The following KL variants were observed in gnomAD, a reference collection of about 807,000 sequenced individuals.
KL encodes the protein alpha-klotho.
KL carries 62 observed loss-of-function variants against 84.2 expected under a neutral mutation model. That is an observed-to-expected ratio of 0.74 (90% CI 0.60 to 0.91). The LOEUF (loss-of-function observed/expected upper bound fraction) is 0.91, where lower values mean the gene tolerates loss of function less well. Ranked by LOEUF, KL falls within the 40% of genes least tolerant of loss-of-function variation. KL has a pLI of 0.00. For synonymous variants in KL, 528 were observed against 528.0 expected (o/e 1.00, Z 0.00); for missense variants, 1,261 against 1,305.7 (o/e 0.97, Z 0.53).
intron 3 of KL, among the ~76,000 whole-genome samples, chr13:33,057,284 G>C (rs979974027): frequency 6.6e-6 from 1 of 152,144 alleles, no homozygotes; most frequent in Non-Finnish European, 1.5e-5. Flanking sequence ...GAACAAGAGT[G>C]GGGGTGTCGG....
chr13:33,053,725 TC>T (rs750795108), intron 1 of KL, 41 bp from the exon 2 acceptor site: 1 of 1,598,354 alleles, frequency 6.3e-7, no homozygotes, highest in Non-Finnish European at 8.6e-7. Context: ...GCATTTCTCC[TC>T]ACAACTAGAG....
rs1430930440 is a variant in KL, at chr13:33,053,962, G to A, written c.1015G>A (p.Glu339Lys). ...KPVFIDGDYPESMKNNLSSIL... is the reference protein window; with the variant it reads ...KPVFIDGDYPKSMKNNLSSIL... ...CGTATTTATTGATGGTGACTATCCC[G>A]AGAGCATGAAGAATAACCTTTCATC... The change falls in exon 2 of 5, where the codon GAG (glutamate) becomes AAG (lysine). Residue 339 changes from glutamate (E) to lysine (K), a missense_variant. Coordinates refer to ENST00000380099, the MANE Select transcript of KL (RefSeq NM_004795.4). 3.7e-6 allele frequency: 6 copies of A among 1,613,994 alleles called. No individual in the cohort carries two copies. The East Asian group carries it at 6.7e-5, about 18-fold the overall frequency.
chr13:33,038,937 A>G (rs915053749), intron 1 of KL, among the ~76,000 whole-genome samples: 8 of 152,216 alleles, frequency 5.3e-5, no homozygotes, highest in Non-Finnish European at 7.4e-5. Context: ...TCAAAAAGCA[A>G]TACATATTTC....
Position 33,061,415 on chromosome 13 carries a change from A to G in KL, c.2336A>G (p.Asn779Ser), listed in dbSNP as rs749094509. ...DYPWVMRDWLNQRNNFLLPYF... is the reference protein window; with the variant it reads ...DYPWVMRDWLSQRNNFLLPYF... The stretch of plus-strand genomic sequence containing the variant: ...CCATGGGTGATGAGGGACTGGCTGA[A>G]CCAAAGAAACAATTTTCTTCTTCCT... The change falls in exon 4 of 5, where the codon AAC becomes AGC. Residue 779 changes from asparagine to serine, a missense_variant. By Grantham distance (46) the Asn-to-Ser change is conservative. Coordinates refer to ENST00000380099, the MANE Select transcript of KL (RefSeq NM_004795.4). 1.9e-6 allele frequency: 3 copies of G among 1,614,102 alleles called. No homozygotes were observed. Among genetic ancestry groups the G allele is most frequent in the African/African-American group, 2.7e-5 (2 of 74,942 alleles).
chr13:33,048,703 C>A (rs1871630951), intron 1 of KL, among the ~76,000 whole-genome samples: 1 of 152,184 alleles, frequency 6.6e-6, no homozygotes, highest in African/African-American at 2.4e-5. Context: ...TCAGCCATAC[C>A]TAGAACACAA....
intron 1 of KL, among the ~76,000 whole-genome samples, chr13:33,040,318 A>G (rs938314668): frequency 6.6e-6 from 1 of 152,234 alleles, no homozygotes; most frequent in South Asian, 2.1e-4. Context: ...ACACAGTAGC[A>G]GTGACTTTTA....
chr13:33,039,976 T>C (rs1342210502), intron 1 of KL, among the ~76,000 whole-genome samples: 1 of 152,184 alleles, frequency 6.6e-6, no homozygotes, highest in Non-Finnish European at 1.5e-5. Context: ...CCAAAGCAGG[T>C]AGGGGTGCCA....
intron 3 of KL, among the ~76,000 whole-genome samples, chr13:33,058,276 A>C (rs1872039434): frequency 6.6e-6 from 1 of 152,042 alleles, no homozygotes; most frequent in African/African-American, 2.4e-5. Flanking sequence ...TTTTTAGTAA[A>C]ATCTTAGTTA....
At chr13:33,056,858 C>G (rs986870594) in intron 3 of KL, among the ~76,000 whole-genome samples, 1 of 151,960 alleles carries the variant, frequency 6.6e-6, no homozygotes, top group South Asian at 2.1e-4. Context: ...ATATGTGAGC[C>G]CAGGAGAAAG....
chr13:33,048,322 T>C (rs991412303), intron 1 of KL, among the ~76,000 whole-genome samples: 7 of 152,236 alleles, frequency 4.6e-5, no homozygotes, highest in Non-Finnish European at 8.8e-5. Context: ...TAGTCTTTGT[T>C]AGAGCTGGTC....
chr13:33,017,355 G>T, intron 1 of KL, 96 bp downstream of exon 1: 2 of 1,182,594 alleles, frequency 1.7e-6, no homozygotes, highest in South Asian at 3.1e-5. Context: ...TCCCCCAGAC[G>T]AGGCTTCACT....
At chr13:33,044,274 G>C (rs2138218593) in intron 1 of KL, among the ~76,000 whole-genome samples, 1 of 152,252 alleles carries the variant, frequency 6.6e-6, no homozygotes, top group East Asian at 1.9e-4. Context: ...TGTTTCAACT[G>C]TGTTTTTCCT....
chr13:33,054,214 A>G lies in KL; in HGVS notation c.1267A>G (p.Thr423Ala). 2 of 1,613,738 alleles carry G rather than the reference A, an allele frequency of 1.2e-6. No homozygotes were observed. The highest frequency in any genetic ancestry group is 8.5e-7 in the Non-Finnish European group (1 of 1,179,878). ...VENGWFVSGT[T>A]KRDDAKYMYY... is the part of the protein sequence containing the mutation. ...AAATGGCTGGTTTGTCTCAGGGACC[A>G]CCAAGAGAGATGATGCCAAATATAT... Residue 423 changes from threonine to alanine, a missense_variant, in exon 2 of 5, where the codon ACC (threonine) becomes GCC (alanine). Transcript: ENST00000380099.
At chr13:33,019,927 A>G (rs984454510) in intron 1 of KL, among the ~76,000 whole-genome samples, 4 of 152,046 alleles carry the variant, frequency 2.6e-5, no homozygotes, top group Non-Finnish European at 5.9e-5. Flanking sequence ...CAGCTCTTGA[A>G]ACAAAGTTCT....
chr13:33,028,838 C>T (rs936016331), intron 1 of KL, among the ~76,000 whole-genome samples: 1 of 152,204 alleles, frequency 6.6e-6, no homozygotes, highest in Admixed American at 6.5e-5. Context: ...TACCAAATGT[C>T]GGTTAAACCC....
At position 33,061,258 on chromosome 13, in the gene KL, T is replaced by G. The variant is rs1233702842; in HGVS notation, c.2179T>G (p.Ser727Ala). The G allele has an allele frequency of 1.9e-6, 3 of 1,614,104 alleles. No homozygotes were observed. In the Admixed American group the frequency reaches 5.0e-5, roughly 27 times the overall value. ...KFRHAQNGKI[S>A]IALQADWIEP... ...TAGGCATGCTCAGAATGGGAAAATA[T>G]CCATAGCCTTGCAGGCTGATTGGAT... The change falls in exon 4 of 5, where the codon TCC becomes GCC. Residue 727 changes from serine (S) to alanine (A), a missense_variant. Coordinates refer to ENST00000380099, the MANE Select transcript of KL (RefSeq NM_004795.4).
intron 1 of KL, among the ~76,000 whole-genome samples, chr13:33,025,333 A>G (rs1291640811): frequency 6.6e-6 from 1 of 152,140 alleles, no homozygotes; most frequent in African/African-American, 2.4e-5. Flanking sequence ...TGCAACTATT[A>G]CACAGTTCTG....
At chr13:33,030,104 A>G (rs1870922809) in intron 1 of KL, among the ~76,000 whole-genome samples, 1 of 152,084 alleles carries the variant, frequency 6.6e-6, no homozygotes, top group African/African-American at 2.4e-5. Flanking sequence ...TTTACAAGGA[A>G]CCCATGCCTG....
chr13:33,022,483 G>A (rs1411597991), intron 1 of KL, among the ~76,000 whole-genome samples: 2 of 152,182 alleles, frequency 1.3e-5, no homozygotes, highest in Non-Finnish European at 1.5e-5. Flanking sequence ...TTATTGAATT[G>A]TCTCAGATCC....
Sources: allele counts gnomAD v4.1 joint callset (sites outside exome capture counted in the v4.1 genomes callset), GRCh38; gene constraint gnomAD v4.1.1; transcripts MANE v1.5; gene names NCBI Gene and HGNC (gene_info 2026-07-23, HGNC 2026-07-21).